The following FHIT variants were observed in gnomAD, a reference collection of about 807,000 sequenced individuals.
FHIT encodes the protein bis(5'-adenosyl)-triphosphatase.
FHIT carries 19 observed loss-of-function variants against 17.9 expected under a neutral mutation model. That is an observed-to-expected ratio of 1.06 (90% confidence interval 0.74 to 1.56). FHIT has a LOEUF of 1.56. Among genes scored for constraint, FHIT ranks in the 40% most tolerant of loss-of-function variants. The pLI is 0.00. For synonymous variants in FHIT, 81 were observed against 69.7 expected (o/e 1.16, Z -0.81); for missense variants, 248 against 189.2 (o/e 1.31, Z -1.82).
Position 60,294,919 on chromosome 3 carries a change from A to C in FHIT, c.103+241941T>G, listed in dbSNP as rs116210171. Among the ~76,000 whole-genome samples, 858 of 152,280 alleles carry C rather than the reference A, an allele frequency of 5.6e-3. 9 individuals carry two copies. Among genetic ancestry groups the C allele is most frequent in the African/African-American group, 0.02 (814 of 41,558 alleles). On this transcript the variant is annotated intron_variant, in intron 5 of 9. Transcript: ENST00000492590. ...TGGATGTACCACAGTTCATTTAACT[A>C]TTCACCTGCAGAAGGACATCTGGAT...
intron 3 of FHIT, among the ~76,000 whole-genome samples, chr3:60,859,723 A>ATTTATTTTT (rs1703547454): frequency 3.9e-5 from 2 of 51,886 alleles, no homozygotes; most frequent in Non-Finnish European, 6.8e-5. Context: ...TCTGAATACG[A>ATTTATTTTT]TTTTTTTTTT....
At chr3:60,334,134 G>C (rs1710122555) in intron 5 of FHIT, among the ~76,000 whole-genome samples, 1 of 152,166 alleles carries the variant, frequency 6.6e-6, no homozygotes, top group South Asian at 2.1e-4. Context: ...GAAGGACCTA[G>C]ACTGAACCCC....
intron 8 of FHIT, among the ~76,000 whole-genome samples, chr3:59,918,002 A>G (rs1180050508): frequency 6.6e-6 from 1 of 152,186 alleles, no homozygotes; most frequent in Non-Finnish European, 1.5e-5. Context: ...GAGTACCACA[A>G]TTTGTAGCCT....
At chr3:61,060,012 G>A (rs2034369361) in intron 2 of FHIT, among the ~76,000 whole-genome samples, 2 of 152,054 alleles carry the variant, frequency 1.3e-5, no homozygotes, top group African/African-American at 4.8e-5. Flanking sequence ...AGGTGTGTAG[G>A]TGAGTGGGTC....
chr3:60,094,888 G>C (rs149900234), intron 5 of FHIT, among the ~76,000 whole-genome samples: 148 of 152,200 alleles, frequency 9.7e-4, no homozygotes, highest in African/African-American at 3.5e-3. Flanking sequence ...GCACCCAAGC[G>C]TTTTAAGTTT....
At chr3:59,968,989 C>G (rs1217577145) in intron 7 of FHIT, among the ~76,000 whole-genome samples, 1 of 152,164 alleles carries the variant, frequency 6.6e-6, no homozygotes, top group African/African-American at 2.4e-5. Flanking sequence ...AGCATCATCA[C>G]AGTCAACTGC....
At chr3:60,487,629 C>T (rs560874986) in intron 5 of FHIT, among the ~76,000 whole-genome samples, 3 of 152,286 alleles carry the variant, frequency 2.0e-5, no homozygotes, top group East Asian at 3.9e-4. Flanking sequence ...TCAATTACTC[C>T]GTGCTTGGAG....
intron 4 of FHIT, among the ~76,000 whole-genome samples, chr3:60,594,485 A>G (rs2038195974): frequency 6.6e-6 from 1 of 152,110 alleles, no homozygotes; most frequent in Non-Finnish European, 1.5e-5. Context: ...TGCCCCCTGC[A>G]TCCAACACAG....
At chr3:60,164,262 G>A (rs1701060503) in intron 5 of FHIT, among the ~76,000 whole-genome samples, 1 of 152,154 alleles carries the variant, frequency 6.6e-6, no homozygotes, top group African/African-American at 2.4e-5. Flanking sequence ...GTGTTGAGAG[G>A]TTATCAGCAG....
intron 5 of FHIT, among the ~76,000 whole-genome samples, chr3:60,355,016 A>C (rs1171730718): frequency 1.3e-5 from 2 of 152,186 alleles, no homozygotes; most frequent in African/African-American, 4.8e-5. Context: ...GAATCCTAAA[A>C]CATAAATCTT....
At chr3:60,440,976 C>T (rs2030744411) in intron 5 of FHIT, among the ~76,000 whole-genome samples, 1 of 152,076 alleles carries the variant, frequency 6.6e-6, no homozygotes, top group Admixed American at 6.6e-5. Context: ...GTATTATGAA[C>T]TTGTGTGATA....
chr3:60,447,799 C>A (rs1049309345), intron 5 of FHIT, among the ~76,000 whole-genome samples: 1 of 152,122 alleles, frequency 6.6e-6, no homozygotes. Context: ...TAAATGGGGA[C>A]ACTATCCAAC....
At chr3:60,165,635 A>T (rs1055451882) in intron 5 of FHIT, among the ~76,000 whole-genome samples, 2 of 152,190 alleles carry the variant, frequency 1.3e-5, no homozygotes, top group African/African-American at 4.8e-5. Context: ...ATGAGATTAT[A>T]AAGATACCTA....
chr3:60,521,600 C>G (rs187116189), intron 5 of FHIT, among the ~76,000 whole-genome samples: 2 of 152,292 alleles, frequency 1.3e-5, no homozygotes, highest in Non-Finnish European at 2.9e-5. Context: ...ATTCATTCTT[C>G]TGACTTCCAT....
At chr3:60,592,667 C>T (rs1303451761) in intron 4 of FHIT, among the ~76,000 whole-genome samples, 1 of 152,158 alleles carries the variant, frequency 6.6e-6, no homozygotes, top group East Asian at 1.9e-4. Context: ...CATCACTTCT[C>T]ATTGTCACTT....
At chr3:60,222,529 G>A (rs1390261956) in intron 5 of FHIT, among the ~76,000 whole-genome samples, 7 of 152,176 alleles carry the variant, frequency 4.6e-5, no homozygotes, top group African/African-American at 1.4e-4. Context: ...GGTGGCTCAC[G>A]CCTGTAATCC....
At chr3:61,034,465 G>A (rs1039026896) in intron 3 of FHIT, among the ~76,000 whole-genome samples, 2 of 152,066 alleles carry the variant, frequency 1.3e-5, no homozygotes, top group Non-Finnish European at 2.9e-5. Flanking sequence ...ACCAGGTAAT[G>A]GGTAGAGGAC....
intron 5 of FHIT, among the ~76,000 whole-genome samples, chr3:60,097,872 A>G (rs1192650848): frequency 7.2e-4 from 35 of 48,516 alleles, no homozygotes; most frequent in African/African-American, 2.8e-3. Context: ...CCCGCCCCCC[A>G]CCCCACAACA....
chr3:59,816,281 T>G (rs564148249), intron 8 of FHIT, among the ~76,000 whole-genome samples: 38 of 152,352 alleles, frequency 2.5e-4, no homozygotes, highest in African/African-American at 9.1e-4. Context: ...TGGCACACAG[T>G]GTACACTCAG....
Sources: allele counts gnomAD v4.1 joint callset (sites outside exome capture counted in the v4.1 genomes callset), GRCh38; gene constraint gnomAD v4.1.1; transcripts MANE v1.5; gene names NCBI Gene and HGNC (gene_info 2026-07-23, HGNC 2026-07-21).